The following ZNF133 variants were observed in gnomAD, a reference collection of about 807,000 sequenced individuals.
The protein encoded by ZNF133 is zinc finger protein 133, also known as zinc finger protein 133 (clone pHZ-13).
In ZNF133, 26 loss-of-function variants were observed where a neutral mutation model predicts 54.9. The ratio of observed to expected loss-of-function variants is 0.47; its 90% CI spans 0.35 to 0.66. ZNF133 has a LOEUF of 0.66. ZNF133 is among the 30% of genes least tolerant of loss of function. ZNF133 has a pLI of 0.01. For missense variants in ZNF133, 653 were observed against 820.8 expected (o/e 0.80, Z 2.50); for synonymous variants, 298 against 320.3 (o/e 0.93, Z 0.74).
At position 18,316,578 on chromosome 20, in the gene ZNF133, A is replaced by G; in HGVS notation, c.1727A>G (p.Lys576Arg). Reference sequence around the variant, plus strand: ...CACAAGCGGGCTCACTCGGAAGAGAAGCCTTGTGTGTGCAGAGAGTGTGGC... The same window carrying G: ...CACAAGCGGGCTCACTCGGAAGAGAGGCCTTGTGTGTGCAGAGAGTGTGGC... ...ITHKRAHSEEKPCVCRECGQG... is the reference protein window; with the variant it reads ...ITHKRAHSEERPCVCRECGQG... Residue 576 changes from lysine to arginine, a missense_variant, in exon 7 of 7, where the codon AAG becomes AGG. Coordinates refer to ENST00000425686, the MANE Select transcript of ZNF133 (RefSeq NM_001352452.2). 6.2e-7 allele frequency: 1 copy of G among 1,614,116 alleles called. No homozygotes were observed. Among genetic ancestry groups the G allele is most frequent in the Non-Finnish European group, 8.5e-7 (1 of 1,180,000 alleles).
In ZNF133 at chr20:18,306,360, G is replaced by A; in HGVS notation, c.184G>A (p.Glu62Lys). ...QLEQGKETWR[E>K]EKKCSPATCP... ...GGAGCAAGGGAAAGAGACCTGGAGAGAGGAAAAAAAATGTTCACCGGCAAC... is the reference window on the plus strand; with the variant it reads ...GGAGCAAGGGAAAGAGACCTGGAGAAAGGAAAAAAAATGTTCACCGGCAAC... The change falls in exon 6 of 7, where the codon GAG becomes AAG. Residue 62 changes from glutamate (E) to lysine (K), a missense_variant. Physicochemically the swap from Glu to Lys is moderately conservative, Grantham distance 56. This residue lies in a region of ZNF133 where 227 missense variants were observed against 233.9 expected (regional missense o/e 0.97). Transcript: ENST00000425686. 1 of 1,613,824 alleles carries A rather than the reference G, an allele frequency of 6.2e-7. No individual in the cohort carries two copies. The highest frequency in any genetic ancestry group is 8.5e-7 in the Non-Finnish European group (1 of 1,179,912).
chr20:18,311,099 C>T (rs984041087), intron 6 of ZNF133, among the ~76,000 whole-genome samples: 2 of 152,054 alleles, frequency 1.3e-5, no homozygotes, highest in Admixed American at 1.3e-4. Context: ...GCAGGAGGAT[C>T]ACTTGAGGCC....
Position 18,316,306 on chromosome 20 carries a change from G to C in ZNF133, c.1455G>C (p.Gln485His). ...FSQQSNLIRH[Q>H]RTHSGEKPMV... Reference sequence around the variant, plus strand: ...AGCAATCCAACCTCATCAGACACCAGAGGACGCACTCAGGCGAGAAGCCCA... The same window carrying C: ...AGCAATCCAACCTCATCAGACACCACAGGACGCACTCAGGCGAGAAGCCCA... The change falls in exon 7 of 7, where the codon CAG (glutamine) becomes CAC (histidine). Residue 485 changes from glutamine to histidine, a missense_variant. Gln to His is a conservative substitution (Grantham distance 24). This residue lies in a region of ZNF133 where 292 missense variants were observed against 431.6 expected (regional missense o/e 0.68). Transcript: ENST00000425686. The C allele has an allele frequency of 6.2e-7, 1 of 1,613,822 alleles. No homozygotes were observed. Among genetic ancestry groups the C allele is most frequent in the Non-Finnish European group, 8.5e-7 (1 of 1,179,856 alleles).
chr20:18,307,668 T>A (rs2044954720), intron 6 of ZNF133, among the ~76,000 whole-genome samples: 1 of 152,192 alleles, frequency 6.6e-6, no homozygotes. Flanking sequence ...TCCCACAGGT[T>A]ATAGATCCTT....
chr20:18,295,735 C>A (rs1007121031), intron 1 of ZNF133, among the ~76,000 whole-genome samples: 2 of 152,126 alleles, frequency 1.3e-5, no homozygotes, highest in African/African-American at 4.8e-5. Context: ...AGGCTCGCTG[C>A]AGCCTCAACC....
At chr20:18,306,252 T>C (rs1294340640) in intron 5 of ZNF133, 46 bp from the exon 6 acceptor site, 2 of 1,566,630 alleles carry the variant, frequency 1.3e-6, no homozygotes, top group South Asian at 2.3e-5. Context: ...TTGAATGGGC[T>C]CTTGAGCCCA....
intron 6 of ZNF133, among the ~76,000 whole-genome samples, chr20:18,307,556 A>G (rs1261915856): frequency 6.6e-6 from 1 of 152,202 alleles, no homozygotes; most frequent in Admixed American, 6.5e-5. Context: ...CTGTGATGTG[A>G]CTGCCTTAAG....
intron 1 of ZNF133, among the ~76,000 whole-genome samples, chr20:18,295,833 T>A (rs982680946): frequency 3.3e-5 from 5 of 152,104 alleles, no homozygotes; most frequent in African/African-American, 4.8e-5. Context: ...GGCTATTTTT[T>A]AAAATTTTTT....
chr20:18,306,370 A>C lies in ZNF133; in HGVS notation c.194A>C (p.Lys65Thr), dbSNP rs748970373. ...AAAGAGACCTGGAGAGAGGAAAAAAAATGTTCACCGGCAACCTGTCCAGGT... is the reference window on the plus strand; with the variant it reads ...AAAGAGACCTGGAGAGAGGAAAAAACATGTTCACCGGCAACCTGTCCAGGT... ...QGKETWREEK[K>T]CSPATCPADP... is the part of the protein sequence containing the mutation. The change falls in exon 6 of 7, where the codon AAA becomes ACA. Residue 65 changes from lysine (K) to threonine (T), a missense_variant. Physicochemically the swap from Lys to Thr is moderately conservative, Grantham distance 78. Coordinates refer to ENST00000425686, the MANE Select transcript of ZNF133 (RefSeq NM_001352452.2). The C allele has an allele frequency of 6.2e-7, 1 of 1,613,720 alleles. No homozygotes were observed. Among genetic ancestry groups the C allele is most frequent in the Non-Finnish European group, 8.5e-7 (1 of 1,179,860 alleles).
intron 3 of ZNF133, among the ~76,000 whole-genome samples, chr20:18,299,743 T>C (rs909263129): frequency 1.3e-5 from 2 of 152,192 alleles, no homozygotes; most frequent in Non-Finnish European, 2.9e-5. Flanking sequence ...TATTAGCAAA[T>C]TTCTTACGAA....
intron 6 of ZNF133, chr20:18,313,020 TTA>T (rs1175342936): frequency 2.1e-5 from 3 of 139,540 alleles, no homozygotes; most frequent in African/African-American, 8.0e-5. Flanking sequence ...TTTTTTTTTT[TTA>T]ATTTAGTTAT....
At chr20:18,292,929 T>C (rs756459264) in intron 1 of ZNF133, among the ~76,000 whole-genome samples, 1 of 152,134 alleles carries the variant, frequency 6.6e-6, no homozygotes, top group Non-Finnish European at 1.5e-5. Flanking sequence ...CCAACTGGTG[T>C]AGGGGTGGGG....
chr20:18,297,428 C>A (rs1053247325), intron 1 of ZNF133, among the ~76,000 whole-genome samples: 3 of 151,622 alleles, frequency 2.0e-5, no homozygotes, highest in African/African-American at 7.3e-5. Context: ...AATTTATGAT[C>A]TCATATTTGG....
At chr20:18,294,120 G>T (rs918005788) in intron 1 of ZNF133, among the ~76,000 whole-genome samples, 2 of 152,128 alleles carry the variant, frequency 1.3e-5, no homozygotes, top group African/African-American at 4.8e-5. Flanking sequence ...AAGCTCAGAA[G>T]ACACCCCCTT....
chr20:18,293,443 C>T (rs1347464214), intron 1 of ZNF133, among the ~76,000 whole-genome samples: 1 of 152,234 alleles, frequency 6.6e-6, no homozygotes, highest in Non-Finnish European at 1.5e-5. Context: ...GAACTCGTTA[C>T]GTGGTACGTT....
rs1276530332 is a variant in ZNF133, at chr20:18,316,504, G to A, written c.1653G>A (p.Met551Ile). ...AGCACTCGAGGGAGAAGCCCTACAT[G>A]TGCAGGCAGTGTGGACTGGGCTTTG... ...KRKHSREKPY[M>I]CRQCGLGFGN... Residue 551 changes from methionine to isoleucine, a missense_variant, in exon 7 of 7, where the codon ATG (methionine) becomes ATA (isoleucine). Met to Ile is a conservative substitution (Grantham distance 10, BLOSUM62 1). Transcript: ENST00000425686. The A allele has an allele frequency of 6.2e-7, 1 of 1,614,234 alleles. No homozygotes were observed. Among genetic ancestry groups the A allele is most frequent in the Non-Finnish European group, 8.5e-7 (1 of 1,180,034 alleles).
intron 1 of ZNF133, among the ~76,000 whole-genome samples, chr20:18,291,436 C>G (rs1450292043): frequency 6.6e-6 from 1 of 152,198 alleles, no homozygotes; most frequent in African/African-American, 2.4e-5. Context: ...CACAGTTGCT[C>G]TTGGTACTAG....
At chr20:18,294,479 G>C (rs528043549) in intron 1 of ZNF133, among the ~76,000 whole-genome samples, 13 of 152,320 alleles carry the variant, frequency 8.5e-5, no homozygotes, top group African/African-American at 2.9e-4. Context: ...GTAGTTTATA[G>C]TATTGTGTCA....
intron 3 of ZNF133, among the ~76,000 whole-genome samples, chr20:18,304,681 T>C (rs2044208184): frequency 6.6e-6 from 1 of 152,138 alleles, no homozygotes; most frequent in South Asian, 2.1e-4. Flanking sequence ...AATAACCACA[T>C]ATATAATGGA....
Sources: allele counts gnomAD v4.1 joint callset (sites outside exome capture counted in the v4.1 genomes callset), GRCh38; gene constraint gnomAD v4.1.1; regional missense constraint gnomAD v4.1.1; transcripts MANE v1.5; gene names NCBI Gene and HGNC (gene_info 2026-07-23, HGNC 2026-07-21).